ADD2: variants seen among roughly 807,000 people sequenced by gnomAD.
The protein encoded by ADD2 is beta-adducin.
A neutral mutation model predicts 83.0 loss-of-function variants in ADD2; 23 were observed. The observed-to-expected ratio is 0.28, with a 90% CI of 0.20 to 0.39. ADD2 has a LOEUF of 0.39. ADD2 is among the 10% of genes least tolerant of loss of function. ADD2 has a pLI of 1.00. For missense variants in ADD2, 758 were observed against 944.9 expected, an observed-to-expected ratio of 0.80 and a Z score of 2.59; for synonymous variants, 375 against 375.4, an observed-to-expected ratio of 1.00 and a Z score of 0.01.
chr2:70,664,670 G>A (rs1426010380), intron 15 of ADD2, among the ~76,000 whole-genome samples: 1 of 152,204 alleles, frequency 6.6e-6, no homozygotes, highest in Non-Finnish European at 1.5e-5. Context: ...TTCTTCTCAC[G>A]ACGGGAACTG....
At chr2:70,733,725 G>A (rs1051490507) in intron 1 of ADD2, among the ~76,000 whole-genome samples, 11 of 152,166 alleles carry the variant, frequency 7.2e-5, no homozygotes, top group South Asian at 2.1e-4. Flanking sequence ...AGAAGGGAAC[G>A]GAAGATTCTA....
In ADD2 at chr2:70,759,476, A is replaced by G. The variant is rs963664945; in HGVS notation, c.-154+8410T>C. Among the ~76,000 whole-genome samples, 6 of 152,136 alleles carry G rather than the reference A, an allele frequency of 3.9e-5. No individual in the cohort carries two copies. In the East Asian group the frequency reaches 1.2e-3, roughly 29 times the overall value. ...GTGGTTTGGATATTTGATCCCTCCA[A>G]AGCCCATGTTGAAGGAGGGGGTACC... On this transcript the variant is annotated intron_variant, in intron 1 of 15. Coordinates refer to ENST00000264436, the MANE Select transcript of ADD2 (RefSeq NM_001617.4).
intron 1 of ADD2, among the ~76,000 whole-genome samples, chr2:70,743,242 C>T (rs1674015503): frequency 6.6e-6 from 1 of 152,182 alleles, no homozygotes; most frequent in South Asian, 2.1e-4. Context: ...CCATGTATCA[C>T]CCCACACAGT....
intron 1 of ADD2, among the ~76,000 whole-genome samples, chr2:70,745,572 G>A (rs916474498): frequency 1.3e-4 from 20 of 152,174 alleles, no homozygotes; most frequent in African/African-American, 4.8e-4. Flanking sequence ...CAGAAAAATG[G>A]CACGTGCTGG....
intron 14 of ADD2, chr2:70,673,245 A>G: frequency 6.2e-7 from 1 of 1,613,982 alleles, no homozygotes; most frequent in South Asian, 1.1e-5. Flanking sequence ...ACCTACCAAT[A>G]TGTTACTCCA....
At position 70,658,635 on chromosome 2, in the gene ADD2, A is replaced by G. The variant is rs1401655926; in HGVS notation, c.*4790T>C. 1.3e-5 allele frequency: 2 copies of G among 152,160 alleles called. No homozygotes were observed. Among genetic ancestry groups the G allele is most frequent in the Non-Finnish European group, 2.9e-5 (2 of 68,028 alleles). 9.4% of individuals were successfully genotyped at this position (152,160 alleles called of 1,614,324 possible). On this transcript the variant is annotated 3_prime_UTR_variant, in exon 16 of 16. Transcript: ENST00000264436. ...TTTCTTTTCAGACTCTTTGAGTGCT[A>G]AGGTCTTAGAGTTCAACTGAGCTCC...
Position 70,696,225 on chromosome 2 carries a change from T to A in ADD2, c.474+20A>T, listed in dbSNP as rs1316705586. 8 of 1,606,342 alleles carry A rather than the reference T, an allele frequency of 5.0e-6. No homozygotes were observed. The highest frequency in any genetic ancestry group is 5.1e-6 in the Non-Finnish European group (6 of 1,176,492). The stretch of plus-strand genomic sequence containing the variant: ...GGACCACATGCAGTGCCCCACCCAA[T>A]TCCAGGGCGTTCTGCTCACCGTGAC... On this transcript the variant is annotated intron_variant, in intron 5 of 15. Coordinates refer to ENST00000264436, the MANE Select transcript of ADD2 (RefSeq NM_001617.4).
chr2:70,670,784 T>G (rs1243700595), intron 15 of ADD2, among the ~76,000 whole-genome samples: 1 of 152,176 alleles, frequency 6.6e-6, no homozygotes, highest in African/African-American at 2.4e-5. Context: ...TGGCCAAGGC[T>G]TCACACCGGG....
At position 70,674,706 on chromosome 2, in the gene ADD2, C is replaced by G; in HGVS notation, c.1713G>C (p.Glu571Asp). 6.2e-7 allele frequency: 1 copy of G among 1,613,988 alleles called. No individual in the cohort carries two copies. The highest frequency in any genetic ancestry group is 2.2e-5 in the East Asian group (1 of 44,868). Reference sequence around the variant, plus strand: ...CAAGTTCTAGTTTCTTCCTCTCCACCTCTTTCTTGTACTCCTCCAACTCCT... The same window carrying G: ...CAAGTTCTAGTTTCTTCCTCTCCACGTCTTTCTTGTACTCCTCCAACTCCT... ...TDQELEEYKKEVERKKLELDG... is the reference protein window; with the variant it reads ...TDQELEEYKKDVERKKLELDG... Residue 571 changes from glutamate (E) to aspartate (D), a missense_variant, in exon 14 of 16, where the codon GAG becomes GAC. This residue lies in a region of ADD2 where 14 missense variants were observed against 36.2 expected (regional missense o/e 0.39). Transcript: ENST00000264436.
chr2:70,677,227 G>A (rs1246687376), intron 12 of ADD2, among the ~76,000 whole-genome samples: 2 of 152,054 alleles, frequency 1.3e-5, no homozygotes, highest in Admixed American at 1.3e-4. Flanking sequence ...TATCTGGGGA[G>A]AGGGGAGAGG....
At chr2:70,710,087 C>T (rs1672100596) in intron 2 of ADD2, among the ~76,000 whole-genome samples, 2 of 152,210 alleles carry the variant, frequency 1.3e-5, no homozygotes, top group Admixed American at 6.5e-5. Flanking sequence ...CTCTTTGGCA[C>T]TTTCAAAGCC....
At chr2:70,728,308 C>A (rs1553378688) in intron 1 of ADD2, among the ~76,000 whole-genome samples, 1 of 152,196 alleles carries the variant, frequency 6.6e-6, no homozygotes, top group Non-Finnish European at 1.5e-5. Context: ...CTGGGCCGGG[C>A]TCCAGTGTGA....
At position 70,732,083 on chromosome 2, in the gene ADD2, C is replaced by G. The variant is rs149357827; in HGVS notation, c.-153-18899G>C. On this transcript the variant is annotated intron_variant, in intron 1 of 15. Coordinates refer to ENST00000264436, the MANE Select transcript of ADD2 (RefSeq NM_001617.4). Reference sequence around the variant, plus strand: ...CATATTTTCAATCTTCCCCTCCCTTCTCATTGAGTTGAGAGGATGAAGTGG... The same window carrying G: ...CATATTTTCAATCTTCCCCTCCCTTGTCATTGAGTTGAGAGGATGAAGTGG... Among the ~76,000 whole-genome samples, 108 of 152,326 alleles carry G rather than the reference C, an allele frequency of 7.1e-4. 1 individual carries two copies. The highest frequency in any genetic ancestry group is 2.5e-3 in the African/African-American group (102 of 41,574).
intron 1 of ADD2, among the ~76,000 whole-genome samples, chr2:70,745,118 C>G (rs1674112388): frequency 1.3e-5 from 2 of 151,946 alleles, no homozygotes; most frequent in Admixed American, 1.3e-4. Flanking sequence ...AACCCCGTCT[C>G]TACTAAAAAT....
intron 1 of ADD2, among the ~76,000 whole-genome samples, chr2:70,743,304 G>C (rs958718495): frequency 1.3e-5 from 2 of 152,186 alleles, no homozygotes; most frequent in Non-Finnish European, 2.9e-5. Flanking sequence ...ACTCATAAAA[G>C]GACATGTGCA....
intron 6 of ADD2, 51 bp downstream of exon 6, chr2:70,695,670 G>C: frequency 6.5e-7 from 1 of 1,536,320 alleles, no homozygotes; most frequent in Non-Finnish European, 9.0e-7. Flanking sequence ...GGAACAGAGA[G>C]AGTGCTGTCA....
chr2:70,693,050 G>A (rs1277798676), intron 6 of ADD2, among the ~76,000 whole-genome samples: 2 of 152,116 alleles, frequency 1.3e-5, no homozygotes, highest in African/African-American at 4.8e-5. Context: ...CTTTCTCAAC[G>A]AGGCTCAAAG....
chr2:70,758,276 G>A (rs1234923421), intron 1 of ADD2, among the ~76,000 whole-genome samples: 4 of 152,176 alleles, frequency 2.6e-5, no homozygotes, highest in Admixed American at 1.3e-4. Context: ...TCTCCATGCT[G>A]CTCCATATGT....
At chr2:70,749,547 TA>T (rs150290563) in intron 1 of ADD2, among the ~76,000 whole-genome samples, 14 of 148,564 alleles carry the variant, frequency 9.4e-5, no homozygotes, top group African/African-American at 2.2e-4. Context: ...TATGGCCAGC[TA>T]AAAAAAAAAC....
Sources: allele counts gnomAD v4.1 joint callset (sites outside exome capture counted in the v4.1 genomes callset), GRCh38; gene constraint gnomAD v4.1.1; regional missense constraint gnomAD v4.1.1; transcripts MANE v1.5; gene names NCBI Gene and HGNC (gene_info 2026-07-23, HGNC 2026-07-21).